MBNL2: variants seen among roughly 807,000 people sequenced by gnomAD.
MBNL2 encodes the protein muscleblind-like protein 2.
A neutral mutation model predicts 41.9 loss-of-function variants in MBNL2; 17 were observed. That is an observed-to-expected ratio of 0.41 (90% confidence interval 0.28 to 0.61). The LOEUF is 0.61. Among genes scored for constraint, MBNL2 ranks in the 20% least tolerant of loss-of-function variants. The probability of loss-of-function intolerance (pLI) is 0.35; values close to 1 mark genes in which losing one functional copy is unlikely to be tolerated. For synonymous variants in MBNL2, 195 were observed against 182.9 expected, an observed-to-expected ratio of 1.07 and a Z score of -0.53; for missense variants, 336 against 505.6, an observed-to-expected ratio of 0.66 and a Z score of 3.22.
chr13:97,153,576 A>G, the MBNL2 span, among the ~76,000 whole-genome samples: 3 of 152,192 alleles, frequency 2.0e-5, no homozygotes. Flanking sequence ...ATTTTGATTA[A>G]AAAGTAAATA....
chr13:97,158,701 C>T, the MBNL2 span, among the ~76,000 whole-genome samples: 367 of 151,992 alleles, frequency 2.4e-3, 2 homozygotes, highest in African/African-American at 5.7e-3. Context: ...TGTAGTTGAG[C>T]GGTTTTGAGT....
At chr13:97,276,485 A>G in intron 2 of MBNL2, 76 bp downstream of exon 2, 1 of 1,364,840 alleles carries the variant, frequency 7.3e-7, no homozygotes, top group Non-Finnish European at 1.0e-6. Context: ...TTGCATTTTT[A>G]CAGAAGTTTA....
the MBNL2 span, among the ~76,000 whole-genome samples, chr13:97,199,710 C>G: frequency 1.3e-5 from 2 of 152,230 alleles, no homozygotes; most frequent in Non-Finnish European, 2.9e-5. Flanking sequence ...AGCTCAGGCT[C>G]TCTGTCAGAT....
intron 2 of MBNL2, among the ~76,000 whole-genome samples, chr13:97,312,540 G>T (rs1386395031): frequency 2.0e-5 from 3 of 152,108 alleles, no homozygotes; most frequent in Non-Finnish European, 2.9e-5. Flanking sequence ...GGATCATGAA[G>T]AATAGGAAAT....
the MBNL2 span, among the ~76,000 whole-genome samples, chr13:97,170,775 T>C: frequency 1.3e-3 from 192 of 152,308 alleles, no homozygotes; most frequent in African/African-American, 4.5e-3. Context: ...TCTGGAATAA[T>C]GGCTGGCAAT....
intron 1 of MBNL2, among the ~76,000 whole-genome samples, chr13:97,266,227 G>A (rs2049755976): frequency 2.0e-5 from 3 of 152,022 alleles, no homozygotes; most frequent in African/African-American, 7.3e-5. Context: ...AGGCAACAGA[G>A]CAAGACTTCA....
chr13:97,177,573 G>A, the MBNL2 span, among the ~76,000 whole-genome samples: 2 of 152,102 alleles, frequency 1.3e-5, no homozygotes, highest in African/African-American at 4.8e-5. Flanking sequence ...GGAGACCAAT[G>A]CATTAGGTCC....
Position 97,368,593 on chromosome 13 carries a change from TAAA to T in MBNL2, c.1048+3423_1048+3425del, listed in dbSNP as rs1359697339. Among the ~76,000 whole-genome samples, 870 of 121,004 alleles carry T rather than the reference TAAA, an allele frequency of 7.2e-3. 8 individuals carry two copies. Among genetic ancestry groups the T allele is most frequent in the African/African-American group, 0.019 (651 of 34,624 alleles). The allele number at this position is 121,004 out of a possible 152,430, so 79.4% of individuals were successfully genotyped here. On this transcript the variant is annotated intron_variant, in intron 8 of 8. Transcript: ENST00000679496. ...TGTAGGATAAATTATTTTAGCATAA[TAAA>T]TATTTGACCATGTGTCATATATATT... is the stretch of plus-strand genomic sequence containing the variant.
the MBNL2 span, among the ~76,000 whole-genome samples, chr13:97,181,372 G>A: frequency 6.6e-6 from 1 of 152,142 alleles, no homozygotes; most frequent in Non-Finnish European, 1.5e-5. Context: ...CTCTGTAAAT[G>A]CTTATTGAAT....
chr13:97,373,605 A>AAAATATAT (rs375523597), intron 8 of MBNL2, among the ~76,000 whole-genome samples: 28 of 145,410 alleles, frequency 1.9e-4, no homozygotes, highest in African/African-American at 6.3e-4. Flanking sequence ...GTATGCTAAA[A>AAAATATAT]ATATATATAT....
At chr13:97,240,887 A>G (rs974371161) in intron 1 of MBNL2, among the ~76,000 whole-genome samples, 1 of 152,184 alleles carries the variant, frequency 6.6e-6, no homozygotes, top group Non-Finnish European at 1.5e-5. Flanking sequence ...GGCACAGATA[A>G]AATTGCTTCT....
At chr13:97,327,055 A>G (rs2153050182) in intron 2 of MBNL2, among the ~76,000 whole-genome samples, 1 of 152,324 alleles carries the variant, frequency 6.6e-6, no homozygotes, top group South Asian at 2.1e-4. Context: ...ACTATGGGGA[A>G]ACTGAGGCTG....
chr13:97,310,227 C>T (rs1160432452), intron 2 of MBNL2, among the ~76,000 whole-genome samples: 1 of 152,138 alleles, frequency 6.6e-6, no homozygotes, highest in Admixed American at 6.5e-5. Context: ...AGACAAGTCA[C>T]GTTCTCTCTC....
chr13:97,374,098 G>A (rs895293639), intron 8 of MBNL2, among the ~76,000 whole-genome samples: 1 of 65,878 alleles, frequency 1.5e-5, no homozygotes, highest in Non-Finnish European at 3.3e-5. Context: ...TTTTTGAGAT[G>A]GAGCCTCGCC....
the MBNL2 span, among the ~76,000 whole-genome samples, chr13:97,142,101 C>T: frequency 6.6e-6 from 1 of 152,086 alleles, no homozygotes; most frequent in South Asian, 2.1e-4. Context: ...AAGGGAAAAA[C>T]TAATGGGGTA....
At chr13:97,362,847 G>C (rs2063524167) in intron 7 of MBNL2, 1 of 152,352 alleles carries the variant, frequency 6.6e-6, no homozygotes, top group East Asian at 1.9e-4. Context: ...TGGATGAACA[G>C]ATGAATGCAA....
chr13:97,348,644 A>G (rs1449654573), intron 5 of MBNL2, among the ~76,000 whole-genome samples: 1 of 152,224 alleles, frequency 6.6e-6, no homozygotes, highest in East Asian at 1.9e-4. Flanking sequence ...CATGCTCCTC[A>G]GTGACATGAT....
intron 5 of MBNL2, among the ~76,000 whole-genome samples, chr13:97,350,805 CCATTT>C (rs1445220793): frequency 6.6e-6 from 1 of 152,162 alleles, no homozygotes; most frequent in Non-Finnish European, 1.5e-5. Flanking sequence ...CTTACTTTTT[CCATTT>C]AAGTCTTGAA....
At chr13:97,242,331 A>G (rs1481149732) in intron 1 of MBNL2, among the ~76,000 whole-genome samples, 1 of 152,200 alleles carries the variant, frequency 6.6e-6, no homozygotes. Flanking sequence ...GGGCTGCATT[A>G]GGCAACTGAG....
Sources: gnomAD v4.1 joint callset for allele counts (sites outside exome capture counted in the v4.1 genomes callset) on GRCh38, gnomAD v4.1.1 for gene constraint, MANE v1.5 for transcripts, NCBI Gene and HGNC (gene_info 2026-07-23, HGNC 2026-07-21) for gene names.